CELF2: variants seen among roughly 807,000 people sequenced by gnomAD.
CELF2 encodes the protein CUGBP Elav-like family member 2.
CELF2 carries 8 observed loss-of-function variants against 62.6 expected under a neutral mutation model. That is an observed-to-expected ratio of 0.13 (90% confidence interval 0.07 to 0.23). CELF2 has a LOEUF of 0.23. Ranked by LOEUF, CELF2 falls within the 10% of genes least tolerant of loss-of-function variation. The pLI is 1.00. For missense variants in CELF2, 333 were observed against 671.0 expected (o/e 0.50, Z 5.56); for synonymous variants, 258 against 250.0 (o/e 1.03, Z -0.30).
At chr10:10,879,813 A>C (rs2061339345) in intron 1 of CELF2, among the ~76,000 whole-genome samples, 1 of 152,116 alleles carries the variant, frequency 6.6e-6, no homozygotes, top group South Asian at 2.1e-4. Context: ...ATTTTCAAAG[A>C]GTTTCACTGC....
intron 2 of CELF2, among the ~76,000 whole-genome samples, chr10:10,962,814 A>G (rs940473210): frequency 5.3e-5 from 8 of 152,176 alleles, no homozygotes; most frequent in Non-Finnish European, 8.8e-5. Context: ...AAAAAATGTG[A>G]TATTTCTTCC....
the CELF2 span, among the ~76,000 whole-genome samples, chr10:10,493,673 A>G: frequency 6.6e-6 from 1 of 152,014 alleles, no homozygotes; most frequent in Non-Finnish European, 1.5e-5. Context: ...CTGGGATTAC[A>G]GGTGCCTGAC....
intron 1 of CELF2, among the ~76,000 whole-genome samples, chr10:11,079,143 G>A (rs1213497150): frequency 6.6e-6 from 1 of 152,024 alleles, no homozygotes. Context: ...TTATTGCCCT[G>A]GAAGTAAAAC....
the CELF2 span, among the ~76,000 whole-genome samples, chr10:10,732,385 G>C: frequency 6.6e-6 from 1 of 152,090 alleles, no homozygotes; most frequent in Non-Finnish European, 1.5e-5. Context: ...ATATGTTTTT[G>C]CAGTTTCCAT....
At chr10:10,699,042 G>A in the CELF2 span, among the ~76,000 whole-genome samples, 1 of 151,828 alleles carries the variant, frequency 6.6e-6, no homozygotes, top group Non-Finnish European at 1.5e-5. Context: ...ATATACTAGT[G>A]TATGTTATCT....
intron 1 of CELF2, among the ~76,000 whole-genome samples, chr10:10,835,074 C>A (rs1368037574): frequency 6.6e-6 from 1 of 152,102 alleles, no homozygotes; most frequent in Non-Finnish European, 1.5e-5. Context: ...GACATGGTGC[C>A]TGACTGGAGC....
chr10:10,879,745 T>C (rs2061334474), intron 1 of CELF2, among the ~76,000 whole-genome samples: 1 of 152,228 alleles, frequency 6.6e-6, no homozygotes, highest in Non-Finnish European at 1.5e-5. Flanking sequence ...CCAGCGCACC[T>C]TGCTATCCCG....
chr10:10,686,070 C>T, the CELF2 span, among the ~76,000 whole-genome samples: 1 of 152,052 alleles, frequency 6.6e-6, no homozygotes, highest in East Asian at 1.9e-4. Flanking sequence ...TGTGACAGGA[C>T]ATTTTATTTA....
the CELF2 span, among the ~76,000 whole-genome samples, chr10:10,623,902 G>T: frequency 6.6e-6 from 1 of 152,182 alleles, no homozygotes; most frequent in African/African-American, 2.4e-5. Context: ...GAGTTGAACT[G>T]GTGAGCCTGG....
At chr10:10,699,027 A>G in the CELF2 span, among the ~76,000 whole-genome samples, 1 of 152,128 alleles carries the variant, frequency 6.6e-6, no homozygotes, top group Non-Finnish European at 1.5e-5. Flanking sequence ...TATAGTATCC[A>G]TATAATATAC....
chr10:10,707,534 A>G, the CELF2 span, among the ~76,000 whole-genome samples: 8 of 152,342 alleles, frequency 5.3e-5, no homozygotes, highest in South Asian at 4.1e-4. Context: ...AATGAAGTAT[A>G]CGAAGACAGA....
intron 2 of CELF2, among the ~76,000 whole-genome samples, chr10:10,976,692 T>C (rs2051380192): frequency 6.6e-6 from 1 of 152,172 alleles, no homozygotes; most frequent in Non-Finnish European, 1.5e-5. Flanking sequence ...TTATAAAGTA[T>C]TGATGATCAT....
chr10:11,225,202 C>T (rs1209533472), intron 3 of CELF2, among the ~76,000 whole-genome samples: 2 of 152,116 alleles, frequency 1.3e-5, no homozygotes, highest in East Asian at 1.9e-4. Context: ...GTAAACGGTG[C>T]GTGTGGAGAT....
intron 1 of CELF2, among the ~76,000 whole-genome samples, chr10:11,043,633 G>A (rs184341726): frequency 9.2e-5 from 14 of 152,082 alleles, no homozygotes; most frequent in East Asian, 3.9e-4. Context: ...CAGCTGCTCC[G>A]GGCAGACCTC....
Position 11,023,156 on chromosome 10 carries a change from T to C in CELF2, c.74+4993T>C, listed in dbSNP as rs574613676. The stretch of plus-strand genomic sequence containing the variant: ...TCACAAAGAGTTAGATGTTTGTCAG[T>C]GTAATGTTTGTTTTACAGAACCACA... On this transcript the variant is annotated intron_variant, in intron 1 of 12. Coordinates refer to ENST00000633077, the MANE Select transcript of CELF2 (RefSeq NM_001326342.2). 1.8e-3 allele frequency among the ~76,000 whole-genome samples: 276 copies of C among 152,268 alleles called. 1 individual carries two copies. The highest frequency in any genetic ancestry group is 3.2e-3 in the Non-Finnish European group (220 of 68,016).
chr10:10,797,784 C>T (rs1281749407), upstream of CELF2, among the ~76,000 whole-genome samples: 1 of 152,144 alleles, frequency 6.6e-6, no homozygotes, highest in African/African-American at 2.4e-5. Context: ...GAAGCCTCTG[C>T]TTAAGAGGCA....
chr10:11,192,973 C>A (rs1447960292), intron 2 of CELF2, among the ~76,000 whole-genome samples: 1 of 152,202 alleles, frequency 6.6e-6, no homozygotes, highest in Non-Finnish European at 1.5e-5. Context: ...ATTACATTCT[C>A]CACTGACTTT....
chr10:10,571,566 C>A, the CELF2 span, among the ~76,000 whole-genome samples: 37 of 152,166 alleles, frequency 2.4e-4, 1 homozygote, highest in African/African-American at 8.4e-4. Flanking sequence ...ATAATAAAAG[C>A]GACCATGGGT....
chr10:10,614,109 T>C, the CELF2 span, among the ~76,000 whole-genome samples: 7 of 151,520 alleles, frequency 4.6e-5, no homozygotes, highest in Non-Finnish European at 1.0e-4. Flanking sequence ...ACCCAAGTAA[T>C]GTTTGTGCAA....
Sources: allele counts gnomAD v4.1 joint callset (sites outside exome capture counted in the v4.1 genomes callset), GRCh38; gene constraint gnomAD v4.1.1; transcripts MANE v1.5; gene names NCBI Gene and HGNC (gene_info 2026-07-23, HGNC 2026-07-21).